The following ADGRB3 variants were observed in gnomAD, a reference collection of about 807,000 sequenced individuals.
The protein encoded by ADGRB3 is brain-specific angiogenesis inhibitor 3.
Under a neutral mutation model 193.4 loss-of-function variants are expected in ADGRB3, and 37 were observed. The observed-to-expected ratio is 0.19, with a 90% CI of 0.15 to 0.25. ADGRB3 has a LOEUF of 0.25. Among genes scored for constraint, ADGRB3 ranks in the 10% least tolerant of loss-of-function variants. The probability of loss-of-function intolerance (pLI) is 1.00; values close to 1 mark genes in which losing one functional copy is unlikely to be tolerated. For synonymous variants in ADGRB3, 690 were observed against 644.2 expected (o/e 1.07, Z -1.08); for missense variants, 1,637 against 1,852.9 (o/e 0.88, Z 2.14).
At chr6:69,128,547 A>G (rs1420044169) in intron 17 of ADGRB3, among the ~76,000 whole-genome samples, 1 of 152,144 alleles carries the variant, frequency 6.6e-6, no homozygotes, top group Non-Finnish European at 1.5e-5. Flanking sequence ...ATCATACAGT[A>G]GATATAAACT....
chr6:69,224,905 T>G (rs573440683), intron 17 of ADGRB3, among the ~76,000 whole-genome samples: 1 of 152,270 alleles, frequency 6.6e-6, no homozygotes, highest in African/African-American at 2.4e-5. Flanking sequence ...ATTTTCCCCT[T>G]GCAATTTCAA....
At chr6:68,927,433 C>T (rs948648608) in intron 3 of ADGRB3, among the ~76,000 whole-genome samples, 1 of 152,084 alleles carries the variant, frequency 6.6e-6, no homozygotes, top group East Asian at 1.9e-4. Context: ...TTGGTTTTTC[C>T]TAAGTTTGGA....
chr6:69,272,465 T>A (rs1343184101), intron 20 of ADGRB3, among the ~76,000 whole-genome samples: 1 of 152,124 alleles, frequency 6.6e-6, no homozygotes, highest in Non-Finnish European at 1.5e-5. Flanking sequence ...GACATATAAA[T>A]AAAATTTGCC....
intron 3 of ADGRB3, among the ~76,000 whole-genome samples, chr6:68,868,951 G>GTGTGTGCGCGTGTGTT (rs781022363): frequency 1.3e-5 from 2 of 150,394 alleles, no homozygotes; most frequent in African/African-American, 4.9e-5. Context: ...GAGTGTGTGT[G>GTGTGTGCGCGTGTGTT]TTTAAACTTA....
At chr6:69,272,341 C>G (rs73469393) in intron 20 of ADGRB3, among the ~76,000 whole-genome samples, 11,630 of 152,088 alleles carry the variant, frequency 0.076, 499 homozygotes, top group African/African-American at 0.11. Flanking sequence ...AATGCAGTGT[C>G]GTGGTTATTG....
At position 68,970,576 on chromosome 6, in the gene ADGRB3, G is replaced by T. The variant is rs528818614; in HGVS notation, c.1526-4187G>T. Among the ~76,000 whole-genome samples the T allele has an allele frequency of 9.9e-5, 15 of 152,248 alleles. 1 individual carries two copies. The highest frequency in any genetic ancestry group is 3.6e-4 in the African/African-American group (15 of 41,562). On this transcript the variant is annotated intron_variant, in intron 8 of 31. Transcript: ENST00000370598. Reference sequence around the variant, plus strand: ...CCGCCTTGGCCTCCCAAAGTGCTGGGATTACAGGCATGAGCCACTGTGCCT... The same window carrying T: ...CCGCCTTGGCCTCCCAAAGTGCTGGTATTACAGGCATGAGCCACTGTGCCT...
intron 17 of ADGRB3, among the ~76,000 whole-genome samples, chr6:69,087,191 A>G (rs1038819420): frequency 1.3e-5 from 2 of 152,172 alleles, no homozygotes; most frequent in Admixed American, 6.5e-5. Context: ...ATTTTCTTTC[A>G]TTGTTGTGAA....
At chr6:68,905,353 C>T (rs1206004600) in intron 3 of ADGRB3, among the ~76,000 whole-genome samples, 1 of 152,238 alleles carries the variant, frequency 6.6e-6, no homozygotes, top group African/African-American at 2.4e-5. Flanking sequence ...TCCTTCCGAG[C>T]CTCTGGTGTG....
At chr6:68,656,633 A>G (rs1361444947) in intron 3 of ADGRB3, among the ~76,000 whole-genome samples, 1 of 151,490 alleles carries the variant, frequency 6.6e-6, no homozygotes, top group African/African-American at 2.4e-5. Flanking sequence ...AAATTGTTGG[A>G]TAGATTTGCT....
intron 26 of ADGRB3, among the ~76,000 whole-genome samples, chr6:69,349,174 T>A (rs1279912825): frequency 6.6e-6 from 1 of 152,250 alleles, no homozygotes; most frequent in African/African-American, 2.4e-5. Flanking sequence ...CATGGGATCC[T>A]GGTGTATGAC....
At chr6:68,741,439 G>A (rs138449416) in intron 3 of ADGRB3, among the ~76,000 whole-genome samples, 85 of 152,198 alleles carry the variant, frequency 5.6e-4, no homozygotes, top group African/African-American at 2.0e-3. Context: ...GTGCAGTGCT[G>A]TGATCATGCC....
At chr6:69,386,053 T>C (rs905078964) in intron 31 of ADGRB3, among the ~76,000 whole-genome samples, 3 of 152,038 alleles carry the variant, frequency 2.0e-5, no homozygotes, top group Non-Finnish European at 2.9e-5. Flanking sequence ...AGAACACCAG[T>C]TGAGCTGGGA....
intron 20 of ADGRB3, among the ~76,000 whole-genome samples, chr6:69,256,104 A>G (rs1448481088): frequency 6.6e-6 from 1 of 151,720 alleles, no homozygotes; most frequent in Non-Finnish European, 1.5e-5. Context: ...TGGTTACTGT[A>G]GCCTTGTAGT....
chr6:69,158,786 A>C (rs1195824309), intron 17 of ADGRB3, among the ~76,000 whole-genome samples: 1 of 152,000 alleles, frequency 6.6e-6, no homozygotes, highest in Non-Finnish European at 1.5e-5. Context: ...CTTCAAAGGG[A>C]TCATAAGAGC....
intron 3 of ADGRB3, among the ~76,000 whole-genome samples, chr6:68,783,493 C>A (rs1283297190): frequency 2.0e-5 from 3 of 151,506 alleles, no homozygotes; most frequent in African/African-American, 4.8e-5. Context: ...ATATGAGACT[C>A]TCTCTAGGTA....
At chr6:69,387,608 C>T (rs889862848) in intron 31 of ADGRB3, among the ~76,000 whole-genome samples, 1 of 151,822 alleles carries the variant, frequency 6.6e-6, no homozygotes, top group East Asian at 1.9e-4. Context: ...TTATGTTGCC[C>T]AGGCTGGTCT....
intron 20 of ADGRB3, among the ~76,000 whole-genome samples, chr6:69,241,256 G>A (rs934389648): frequency 7.9e-5 from 12 of 151,520 alleles, no homozygotes; most frequent in Admixed American, 7.3e-4. Flanking sequence ...TATATTAGTA[G>A]CCACATTAAA....
rs1765536223 is a variant in ADGRB3 at position 68,719,331 on chromosome 6, T to C, written c.757+79899T>C. Among the ~76,000 whole-genome samples the C allele has an allele frequency of 2.0e-5, 3 of 151,752 alleles. No individual in the cohort carries two copies. In the South Asian group the frequency reaches 6.2e-4, roughly 31 times the overall value. ...GGCTATGGAACATTTTAGGTATGACTAGTGTGACCGAATAATTGAATGTTA... is the reference window on the plus strand; with the variant it reads ...GGCTATGGAACATTTTAGGTATGACCAGTGTGACCGAATAATTGAATGTTA... On this transcript the variant is annotated intron_variant, in intron 3 of 31. Coordinates refer to ENST00000370598, the MANE Select transcript of ADGRB3 (RefSeq NM_001704.3).
intron 3 of ADGRB3, among the ~76,000 whole-genome samples, chr6:68,798,529 G>C (rs1767253779): frequency 6.7e-6 from 1 of 150,130 alleles, no homozygotes; most frequent in Non-Finnish European, 1.5e-5. Context: ...AGTGGGGCCT[G>C]TCAGGGGGTG....
Sources: gnomAD v4.1 joint callset for allele counts (sites outside exome capture counted in the v4.1 genomes callset) on GRCh38, gnomAD v4.1.1 for gene constraint, MANE v1.5 for transcripts, NCBI Gene and HGNC (gene_info 2026-07-23, HGNC 2026-07-21) for gene names.